The following ARHGAP24 variants were observed in gnomAD, a reference collection of about 807,000 sequenced individuals.
ARHGAP24 encodes rho GTPase-activating protein 24.
A neutral mutation model predicts 76.4 loss-of-function variants in ARHGAP24; 50 were observed. The ratio of observed to expected loss-of-function variants is 0.65; its 90% CI spans 0.52 to 0.83. The LOEUF (loss-of-function observed/expected upper bound fraction) is 0.83. Ranked by LOEUF, ARHGAP24 falls within the 40% of genes least tolerant of loss-of-function variation. ARHGAP24 has a pLI of 0.00. For missense variants in ARHGAP24, 930 were observed against 914.2 expected (o/e 1.02, Z -0.22); for synonymous variants, 345 against 323.3 (o/e 1.07, Z -0.72).
chr4:85,950,587 A>T (rs1737553588), intron 5 of ARHGAP24, among the ~76,000 whole-genome samples: 1 of 152,032 alleles, frequency 6.6e-6, no homozygotes, highest in Non-Finnish European at 1.5e-5. Context: ...GTGTCCACGG[A>T]GGTTGATTCT....
chr4:85,679,028 A>G (rs1723102263), intron 2 of ARHGAP24, among the ~76,000 whole-genome samples: 1 of 152,228 alleles, frequency 6.6e-6, no homozygotes, highest in Non-Finnish European at 1.5e-5. Flanking sequence ...GCAAAATATA[A>G]GAACTCAAAG....
rs372709743 is a variant in ARHGAP24, at chr4:85,676,962, A to G, written c.181-44923A>G. On this transcript the variant is annotated intron_variant, in intron 2 of 9. Coordinates refer to ENST00000395184, the MANE Select transcript of ARHGAP24 (RefSeq NM_001025616.3). ...GCACATGAAACAAGCAAGCAGAGCCACTGCCTTCCTGAGGCTACCAGAAGG... is the reference window on the plus strand; with the variant it reads ...GCACATGAAACAAGCAAGCAGAGCCGCTGCCTTCCTGAGGCTACCAGAAGG... Among the ~76,000 whole-genome samples, 39 of 152,314 alleles carry G rather than the reference A, an allele frequency of 2.6e-4. No individual in the cohort carries two copies. The East Asian group carries it at 6.2e-3, about 24-fold the overall frequency.
chr4:85,939,718 G>A (rs559052874), intron 4 of ARHGAP24, among the ~76,000 whole-genome samples: 8 of 152,044 alleles, frequency 5.3e-5, no homozygotes, highest in African/African-American at 1.9e-4. Context: ...AAAAAATCCC[G>A]AAAGCTTTGA....
At chr4:85,806,743 C>T (rs1728807267) in intron 3 of ARHGAP24, among the ~76,000 whole-genome samples, 1 of 152,074 alleles carries the variant, frequency 6.6e-6, no homozygotes, top group South Asian at 2.1e-4. Flanking sequence ...TCTCTAGTTC[C>T]AGTTTTCCAT....
intron 1 of ARHGAP24, among the ~76,000 whole-genome samples, chr4:85,531,594 C>A (rs1191557179): frequency 1.3e-5 from 2 of 151,972 alleles, no homozygotes; most frequent in African/African-American, 4.8e-5. Flanking sequence ...TTTATTAAAT[C>A]CTTAATACTG....
At chr4:85,670,565 G>A (rs1722784833) in intron 2 of ARHGAP24, among the ~76,000 whole-genome samples, 1 of 152,060 alleles carries the variant, frequency 6.6e-6, no homozygotes, top group Non-Finnish European at 1.5e-5. Context: ...CTCTTTTCTT[G>A]GAGAATGGTG....
At chr4:85,492,282 A>G (rs939716263) in intron 1 of ARHGAP24, among the ~76,000 whole-genome samples, 1 of 152,030 alleles carries the variant, frequency 6.6e-6, no homozygotes, top group Non-Finnish European at 1.5e-5. Context: ...CATTTCCAGG[A>G]TGTGCTATCC....
chr4:85,524,376 A>G (rs1022104091), intron 1 of ARHGAP24, among the ~76,000 whole-genome samples: 3 of 152,172 alleles, frequency 2.0e-5, no homozygotes, highest in Admixed American at 6.6e-5. Context: ...CCAAGTACAC[A>G]TTATGTAAAA....
chr4:85,497,334 T>G (rs1311998048), intron 1 of ARHGAP24, among the ~76,000 whole-genome samples: 1 of 152,224 alleles, frequency 6.6e-6, no homozygotes, highest in Non-Finnish European at 1.5e-5. Context: ...GAAAACAACT[T>G]CTGTGAGCTT....
intron 3 of ARHGAP24, among the ~76,000 whole-genome samples, chr4:85,784,905 CTCTATCTA>C (rs59888935): frequency 0.18 from 26,854 of 147,490 alleles, 2,467 homozygotes; most frequent in East Asian, 0.24. Context: ...GATTATATAT[CTCTATCTA>C]TCTATCTATC....
intron 8 of ARHGAP24, chr4:85,990,773 A>G (rs1692692596): frequency 6.6e-6 from 1 of 152,006 alleles, no homozygotes; most frequent in African/African-American, 2.4e-5. Context: ...CAAAAAACTT[A>G]AAATGGATCA....
At chr4:85,936,372 G>A (rs556468689) in intron 4 of ARHGAP24, among the ~76,000 whole-genome samples, 26 of 152,096 alleles carry the variant, frequency 1.7e-4, no homozygotes, top group African/African-American at 5.5e-4. Context: ...GCATCTGTGC[G>A]TCACCCATCT....
At chr4:85,940,108 C>A (rs1223290035) in intron 4 of ARHGAP24, among the ~76,000 whole-genome samples, 3 of 152,042 alleles carry the variant, frequency 2.0e-5, no homozygotes, top group Admixed American at 6.6e-5. Context: ...GTTTGTAAAC[C>A]TTATTATTAA....
intron 1 of ARHGAP24, among the ~76,000 whole-genome samples, chr4:85,499,905 G>T (rs563960124): frequency 1.1e-4 from 16 of 151,872 alleles, no homozygotes; most frequent in African/African-American, 3.1e-4. Context: ...TTAATTATTG[G>T]AAAAAAAGTT....
At chr4:85,943,714 G>GT (rs1392122319) in intron 5 of ARHGAP24, among the ~76,000 whole-genome samples, 5 of 151,952 alleles carry the variant, frequency 3.3e-5, no homozygotes, top group East Asian at 1.9e-4. Flanking sequence ...GCGGTGTTTG[G>GT]TTTTTTGTTC....
At chr4:85,941,805 A>G (rs926109353) in intron 4 of ARHGAP24, among the ~76,000 whole-genome samples, 2 of 152,218 alleles carry the variant, frequency 1.3e-5, no homozygotes, top group African/African-American at 4.8e-5. Context: ...TCTTATTTCA[A>G]AATCGATATC....
At chr4:85,789,055 G>A (rs1727993613) in intron 3 of ARHGAP24, among the ~76,000 whole-genome samples, 1 of 151,980 alleles carries the variant, frequency 6.6e-6, no homozygotes, top group Non-Finnish European at 1.5e-5. Context: ...CCCCTAGATA[G>A]CTCCAGCATA....
chr4:85,486,922 C>T (rs1386374525), intron 1 of ARHGAP24, among the ~76,000 whole-genome samples: 1 of 151,758 alleles, frequency 6.6e-6, no homozygotes, highest in South Asian at 2.1e-4. Flanking sequence ...CTGGCCTCCT[C>T]CTGCATCTGT....
intron 2 of ARHGAP24, among the ~76,000 whole-genome samples, chr4:85,676,018 T>A (rs1400606063): frequency 6.6e-6 from 1 of 152,068 alleles, no homozygotes; most frequent in Non-Finnish European, 1.5e-5. Flanking sequence ...AAAATCAAAA[T>A]GGAGAAGAAA....
Sources: gnomAD v4.1 joint callset for allele counts (sites outside exome capture counted in the v4.1 genomes callset) on GRCh38, gnomAD v4.1.1 for gene constraint, MANE v1.5 for transcripts, NCBI Gene and HGNC (gene_info 2026-07-23, HGNC 2026-07-21) for gene names.